SYVN1: variants seen among roughly 807,000 people sequenced by gnomAD.
SYVN1 encodes the protein synoviolin 1, also known as E3 ubiquitin-protein ligase synoviolin.
In SYVN1, 17 loss-of-function variants were observed where a neutral mutation model predicts 62.6. The ratio of observed to expected loss-of-function variants is 0.27; its 90% CI spans 0.19 to 0.41. SYVN1 has a LOEUF of 0.41. Ranked by LOEUF, SYVN1 falls within the 10% of genes least tolerant of loss-of-function variation. SYVN1 has a pLI of 1.00. For missense variants in SYVN1, 634 were observed against 818.0 expected (o/e 0.78, Z 2.74); for synonymous variants, 316 against 304.0 (o/e 1.04, Z -0.41).
intron 1 of SYVN1, among the ~76,000 whole-genome samples, chr11:65,134,066 G>A (rs1303309027): frequency 6.6e-6 from 1 of 152,264 alleles, no homozygotes. Context: ...CGACAGCGCC[G>A]GTGACAGCTG....
rs1245183674 is a variant in SYVN1 at position 65,129,842 on chromosome 11, G to T, written c.1482C>A (p.Gly494=). ...GGGCCTCCAGGTGCTGCCGCTCATGGCCCTCCAGAGCTCGTAGCTCCTCTG... is the reference window on the plus strand; with the variant it reads ...GGGCCTCCAGGTGCTGCCGCTCATGTCCCTCCAGAGCTCGTAGCTCCTCTG... The part of the protein sequence containing the change: ...LTPEELRALE[G]HERQHLEARL... Residue 494 remains glycine (G), a synonymous_variant, in exon 14 of 16, where the codon GGC becomes GGA. Coordinates refer to ENST00000377190, the MANE Select transcript of SYVN1 (RefSeq NM_172230.3). The T allele has an allele frequency of 1.9e-6, 3 of 1,614,050 alleles. No individual in the cohort carries two copies. Among genetic ancestry groups the T allele is most frequent in the Admixed American group, 3.3e-5 (2 of 60,012 alleles).
chr11:65,128,015 A>G lies in SYVN1; in HGVS notation c.*367T>C, dbSNP rs544527327. ...GGAACGGGAGCTAATACTGTTCGGC[A>G]CTGCAGTGTGACTCCGCACATACAA... On this transcript the variant is annotated 3_prime_UTR_variant, in exon 16 of 16. Coordinates refer to ENST00000377190, the MANE Select transcript of SYVN1 (RefSeq NM_172230.3). 8.1e-5 allele frequency: 29 copies of G among 356,284 alleles called. No individual in the cohort carries two copies. Among genetic ancestry groups the G allele is most frequent in the African/African-American group, 5.7e-4 (27 of 47,624 alleles). 22.1% of individuals were successfully genotyped at this position (356,284 alleles called of 1,614,324 possible). A position where few individuals can be genotyped will look rare whatever the true frequency, so the allele number is the denominator to read the frequency against.
chr11:65,128,483 C>T lies in SYVN1; in HGVS notation c.1753G>A (p.Glu585Lys). The change falls in exon 16 of 16, where the codon GAG becomes AAG. Residue 585 changes from glutamate to lysine, a missense_variant. Glu to Lys is a moderately conservative substitution (Grantham distance 56). Transcript: ENST00000377190. Reference protein sequence around the residue: ...APEMERPPAPESVGTEEMPED... With the variant: ...APEMERPPAPKSVGTEEMPED... ...GGCATCTCCTCTGTGCCCACTGACT[C>T]AGGAGCTGGGGACAGAGAGACTGGA... 1 of 1,613,916 alleles carries T rather than the reference C, an allele frequency of 6.2e-7. No individual in the cohort carries two copies. The highest frequency in any genetic ancestry group is 8.5e-7 in the Non-Finnish European group (1 of 1,179,906).
Position 65,128,722 on chromosome 11 carries a change from G to A in SYVN1, c.1596-8C>T. ...GTGGCAGGCCGGGGGGGCCTGGGAAGAGAAGGGACGAGAGGCGGGCCTGGC... is the reference window on the plus strand; with the variant it reads ...GTGGCAGGCCGGGGGGGCCTGGGAAAAGAAGGGACGAGAGGCGGGCCTGGC... On this transcript the variant is annotated splice_polypyrimidine_tract_variant and splice_region_variant and intron_variant, in intron 14 of 15. Transcript: ENST00000377190. The A allele has an allele frequency of 6.3e-7, 1 of 1,594,912 alleles. No individual in the cohort carries two copies. The highest frequency in any genetic ancestry group is 8.5e-7 in the Non-Finnish European group (1 of 1,170,832).
At chr11:65,130,581 A>G in intron 11 of SYVN1, 79 bp downstream of exon 11, 1 of 1,467,764 alleles carries the variant, frequency 6.8e-7, no homozygotes, top group South Asian at 1.5e-5. Context: ...GGGACTCTCC[A>G]ATTTCCCAGC....
In SYVN1 at chr11:65,131,495, G is replaced by A; in HGVS notation, c.633C>T (p.Tyr211=). The change falls in exon 7 of 16, where the codon TAC becomes TAT. Residue 211 remains tyrosine, a synonymous_variant. Transcript: ENST00000377190. ...CTGTAAACAGCTCTGTGTAGAGCAT[G>A]TACACAGCCTTGTTGTCCCAGGGGT... ...SENPWDNKAV[Y]MLYTELFTGF... is the part of the protein sequence containing the mutation. 1 of 1,614,112 alleles carries A rather than the reference G, an allele frequency of 6.2e-7. No individual in the cohort carries two copies. The highest frequency in any genetic ancestry group is 8.5e-7 in the Non-Finnish European group (1 of 1,179,962).
In SYVN1 at chr11:65,132,228, A is replaced by C. The variant is rs1590828154; in HGVS notation, c.531+20T>G. 6.2e-7 allele frequency: 1 copy of C among 1,601,030 alleles called. No individual in the cohort carries two copies. Among genetic ancestry groups the C allele is most frequent in the Non-Finnish European group, 8.6e-7 (1 of 1,168,556 alleles). ...GGGTCACCTCGGGCTTGTCCTCTCAACCTCCCAAGCCAGTTTTACCTCAAA... is the reference window on the plus strand; with the variant it reads ...GGGTCACCTCGGGCTTGTCCTCTCACCCTCCCAAGCCAGTTTTACCTCAAA... On this transcript the variant is annotated intron_variant, in intron 6 of 15. Coordinates refer to ENST00000377190, the MANE Select transcript of SYVN1 (RefSeq NM_172230.3).
intron 5 of SYVN1, 76 bp downstream of exon 5, chr11:65,132,656 G>A (rs1314612594): frequency 9.6e-6 from 14 of 1,460,076 alleles, no homozygotes; most frequent in Middle Eastern, 3.6e-4. Flanking sequence ...AGCTGTGGGG[G>A]GTAGCCTGTG....
intron 14 of SYVN1, chr11:65,129,044 T>G: frequency 7.4e-6 from 2 of 270,510 alleles, no homozygotes; most frequent in Non-Finnish European, 7.0e-6. Flanking sequence ...TGGACTCAAG[T>G]TCCTCTCCAA....
chr11:65,133,290 C>T, intron 2 of SYVN1, 38 bp from the exon 3 acceptor site: 1 of 1,606,426 alleles, frequency 6.2e-7, no homozygotes, highest in Non-Finnish European at 8.5e-7. Context: ...AGGTCACTTT[C>T]TGCTTTCCTC....
At position 65,131,352 on chromosome 11, in the gene SYVN1, T is replaced by TACA. The variant is rs776327911; in HGVS notation, c.677_679dup (p.Leu226dup). 6.2e-7 allele frequency: 1 copy of TACA among 1,614,038 alleles called. No homozygotes were observed. The highest frequency in any genetic ancestry group is 1.7e-5 in the Admixed American group (1 of 60,010). On this transcript the variant is annotated inframe_insertion, in exon 8 of 16. Transcript: ENST00000377190. ...GATCATGATGGTCATGAAGGCCATG[T>TACA]ACAGCAGAACCTTGATGAAGCCTGA...
intron 5 of SYVN1, 103 bp from the exon 6 acceptor site, chr11:65,132,454 G>C (rs902253540): frequency 8.9e-5 from 76 of 856,578 alleles, no homozygotes; most frequent in Middle Eastern, 3.3e-4. Context: ...CATGGCCCCA[G>C]CGATCTAGTC....
At position 65,130,132 on chromosome 11, in the gene SYVN1, A is replaced by C; in HGVS notation, c.1278T>G (p.Ala426=). The C allele has an allele frequency of 1.9e-6, 3 of 1,610,468 alleles. No individual in the cohort carries two copies. Among genetic ancestry groups the C allele is most frequent in the Non-Finnish European group, 2.5e-6 (3 of 1,177,774 alleles). Residue 426 remains alanine (A), a synonymous_variant, in exon 13 of 16, where the codon GCT becomes GCG. Transcript: ENST00000377190. ...RPSGAATTTA[A]GTSATAASAT... ...CAGAAGCAGCAGTAGCACTGGTGCCAGCAGCTGTGGTTGTAGCTGCTCCAC... is the reference window on the plus strand; with the variant it reads ...CAGAAGCAGCAGTAGCACTGGTGCCCGCAGCTGTGGTTGTAGCTGCTCCAC...
In SYVN1 at chr11:65,128,011, C is replaced by G. The variant is rs986673579; in HGVS notation, c.*371G>C. On this transcript the variant is annotated 3_prime_UTR_variant, in exon 16 of 16. Coordinates refer to ENST00000377190, the MANE Select transcript of SYVN1 (RefSeq NM_172230.3). ...CTTGGGAACGGGAGCTAATACTGTT[C>G]GGCACTGCAGTGTGACTCCGCACAT... 8.9e-6 allele frequency: 3 copies of G among 335,214 alleles called. No homozygotes were observed. In the Middle Eastern group the frequency reaches 2.7e-3, roughly 301 times the overall value. The allele number at this position is 335,214 out of a possible 1,614,324, so 20.8% of individuals were successfully genotyped here.
Position 65,131,568 on chromosome 11 carries a change from G to A in SYVN1, c.560C>T (p.Thr187Ile). 6.2e-7 allele frequency: 1 copy of A among 1,613,972 alleles called. No individual in the cohort carries two copies. Among genetic ancestry groups the A allele is most frequent in the Non-Finnish European group, 8.5e-7 (1 of 1,179,992 alleles). Residue 187 changes from threonine to isoleucine, a missense_variant, in exon 7 of 16, where the codon ACC becomes ATC. Physicochemically the swap from Thr to Ile is moderately conservative, Grantham distance 89. This residue lies in a region of SYVN1 where 283 missense variants were observed against 444.7 expected (regional missense o/e 0.64). Transcript: ENST00000377190. ...EYAILMTMVL[T>I]IFIKYVLHSV... ...GTGCAGCACATACTTGATGAAGATG[G>A]TGAGCACCATCGTCATCAGGATGGC... is the stretch of plus-strand genomic sequence containing the variant.
At chr11:65,130,566 G>C in intron 11 of SYVN1, 94 bp downstream of exon 11, 3 of 1,454,704 alleles carry the variant, frequency 2.1e-6, no homozygotes, top group Non-Finnish European at 2.7e-6. Context: ...AGATTCTGGA[G>C]GGCAGGGACT....
rs1251011688 is a variant in SYVN1 at position 65,128,401 on chromosome 11, T to A, written c.1835A>T (p.Glu612Val). ...GCAGTGTCAGTGGGCAACAGGAGACTCCAGCTTCTGCAGGCGGCGCCGGCG... is the reference window on the plus strand; with the variant it reads ...GCAGTGTCAGTGGGCAACAGGAGACACCAGCTTCTGCAGGCGGCGCCGGCG... ...ELRRRRLQKL[E>V]SPVAH The change falls in exon 16 of 16, where the codon GAG becomes GTG. Residue 612 changes from glutamate to valine, a missense_variant. By Grantham distance (121) the Glu-to-Val change is moderately radical. Transcript: ENST00000377190. The A allele has an allele frequency of 1.9e-6, 3 of 1,613,346 alleles. No homozygotes were observed. Among genetic ancestry groups the A allele is most frequent in the East Asian group, 4.5e-5 (2 of 44,888 alleles).
At position 65,132,933 on chromosome 11, in the gene SYVN1, G is replaced by A; in HGVS notation, c.367C>T (p.Arg123Cys). The stretch of plus-strand genomic sequence containing the variant: ...CTGCCTTGACTCACAAAGTCCACAC[G>A]GTCCTCAGCCAGCCAGTGGAAACAT... ...LKCFHWLAED[R>C]VDFMERSPNI... Residue 123 changes from arginine to cysteine, a missense_variant, in exon 4 of 16, where the codon CGT (arginine) becomes TGT (cysteine). Coordinates refer to ENST00000377190, the MANE Select transcript of SYVN1 (RefSeq NM_172230.3). 1 of 1,614,160 alleles carries A rather than the reference G, an allele frequency of 6.2e-7. No individual in the cohort carries two copies. The highest frequency in any genetic ancestry group is 8.5e-7 in the Non-Finnish European group (1 of 1,180,028).
At position 65,129,845 on chromosome 11, in the gene SYVN1, C is replaced by T. The variant is rs1337898248; in HGVS notation, c.1479G>A (p.Glu493=). Residue 493 remains glutamate, a synonymous_variant, in exon 14 of 16, where the codon GAG becomes GAA. Coordinates refer to ENST00000377190, the MANE Select transcript of SYVN1 (RefSeq NM_172230.3). The part of the protein sequence containing the change: ...GLTPEELRAL[E]GHERQHLEAR... The stretch of plus-strand genomic sequence containing the variant: ...CCTCCAGGTGCTGCCGCTCATGGCC[C>T]TCCAGAGCTCGTAGCTCCTCTGGGG... The T allele has an allele frequency of 6.2e-6, 10 of 1,614,054 alleles. No individual in the cohort carries two copies. The highest frequency in any genetic ancestry group is 8.5e-6 in the Non-Finnish European group (10 of 1,180,044).
Sources: allele counts gnomAD v4.1 joint callset (sites outside exome capture counted in the v4.1 genomes callset), GRCh38; gene constraint gnomAD v4.1.1; regional missense constraint gnomAD v4.1.1; transcripts MANE v1.5; gene names NCBI Gene and HGNC (gene_info 2026-07-23, HGNC 2026-07-21).